Variants in SYCP1 observed in about 807,000 individuals in gnomAD.
SYCP1 encodes synaptonemal complex protein 1, also known as cancer/testis antigen 8.
SYCP1 carries 64 observed loss-of-function variants against 153.1 expected under a neutral mutation model. The observed-to-expected ratio is 0.42, with a 90% CI of 0.34 to 0.51. The LOEUF (loss-of-function observed/expected upper bound fraction) is 0.51. Ranked by LOEUF, SYCP1 falls within the 20% of genes least tolerant of loss-of-function variation. SYCP1 has a pLI of 0.06. For synonymous variants in SYCP1, 384 were observed against 341.8 expected (o/e 1.12, Z -1.36); for missense variants, 997 against 1,049.0 (o/e 0.95, Z 0.68).
chr1:114,926,161 A>G (rs889414571), intron 21 of SYCP1, 117 bp from the exon 22 acceptor site: 5 of 703,828 alleles, frequency 7.1e-6, no homozygotes, highest in Non-Finnish European at 9.9e-6. Context: ...TAATGGAATT[A>G]CCATGATTTT....
At chr1:114,920,344 T>C (rs1296900328) in intron 20 of SYCP1, among the ~76,000 whole-genome samples, 1 of 152,160 alleles carries the variant, frequency 6.6e-6, no homozygotes, top group Non-Finnish European at 1.5e-5. Flanking sequence ...TCAGAGTAGG[T>C]ACTTGATCTG....
chr1:114,974,712 T>C (rs1409458497), intron 27 of SYCP1, among the ~76,000 whole-genome samples: 2 of 151,878 alleles, frequency 1.3e-5, no homozygotes, highest in Non-Finnish European at 2.9e-5. Context: ...GTGTATACCA[T>C]CTTTTCCTTA....
chr1:114,932,123 G>A (rs990398332), intron 23 of SYCP1, among the ~76,000 whole-genome samples: 2 of 152,184 alleles, frequency 1.3e-5, no homozygotes, highest in African/African-American at 4.8e-5. Flanking sequence ...GAAAACGTAG[G>A]AGGGTACTTT....
intron 27 of SYCP1, among the ~76,000 whole-genome samples, chr1:114,954,605 G>A (rs979964764): frequency 2.1e-5 from 3 of 141,208 alleles, no homozygotes; most frequent in East Asian, 2.0e-4. Context: ...TTTTTGAGAC[G>A]GAGTCTTGCT....
chr1:114,920,768 C>T (rs527932141), intron 20 of SYCP1, among the ~76,000 whole-genome samples: 23 of 152,164 alleles, frequency 1.5e-4, no homozygotes, highest in Middle Eastern at 6.8e-3. Context: ...GTATTGAAAT[C>T]CATAATGTCT....
At chr1:114,961,981 T>C (rs1237127810) in intron 27 of SYCP1, among the ~76,000 whole-genome samples, 1 of 150,866 alleles carries the variant, frequency 6.6e-6, no homozygotes, top group Non-Finnish European at 1.5e-5. Context: ...TCTATCTTTT[T>C]TTTTTTTTTT....
intron 15 of SYCP1, among the ~76,000 whole-genome samples, chr1:114,894,208 G>A (rs558459691): frequency 6.6e-5 from 10 of 151,686 alleles, no homozygotes; most frequent in Non-Finnish European, 1.3e-4. Flanking sequence ...CTATGTATAC[G>A]CCAGGTTTTT....
At position 114,857,469 on chromosome 1, in the gene SYCP1, A is replaced by G. The variant is rs1664079147; in HGVS notation, c.263A>G (p.Gln88Arg). The change falls in exon 5 of 32, where the codon CAG (glutamine) becomes CGG (arginine). Residue 88 changes from glutamine (Q) to arginine (R), a missense_variant. This residue lies in a region of SYCP1 where 285 missense variants were observed against 366.1 expected (regional missense o/e 0.78). Transcript: ENST00000369522. ...GTTGGTAATTCTGACTGTCACTATC[A>G]GGAAGGACTAAAAGACTCTGATTTG... ...EQVGNSDCHY[Q>R]EGLKDSDLEN... 1.2e-6 allele frequency: 2 copies of G among 1,601,424 alleles called. No homozygotes were observed. The highest frequency in any genetic ancestry group is 1.7e-6 in the Non-Finnish European group (2 of 1,173,916).
chr1:114,922,464 A>G (rs980341941), intron 20 of SYCP1, among the ~76,000 whole-genome samples: 2 of 152,252 alleles, frequency 1.3e-5, no homozygotes, highest in African/African-American at 2.4e-5. Flanking sequence ...AATTTTACTC[A>G]TGGTAGAAAG....
At chr1:114,916,043 G>T (rs527499511) in intron 20 of SYCP1, among the ~76,000 whole-genome samples, 13 of 152,152 alleles carry the variant, frequency 8.5e-5, no homozygotes, top group African/African-American at 2.7e-4. Context: ...AGAAGTGCCC[G>T]ACTGAGGGAA....
intron 12 of SYCP1, among the ~76,000 whole-genome samples, chr1:114,881,054 TATACACACACAC>T (rs1002302259): frequency 5.1e-5 from 4 of 77,866 alleles, no homozygotes; most frequent in Non-Finnish European, 8.2e-5. Flanking sequence ...AATTTGTGTA[TATACACACACAC>T]ACACACACAC....
intron 20 of SYCP1, among the ~76,000 whole-genome samples, chr1:114,920,037 T>C (rs1205461191): frequency 6.6e-6 from 1 of 152,024 alleles, no homozygotes; most frequent in Non-Finnish European, 1.5e-5. Context: ...CTAATTTGGG[T>C]TTGGTTTGCT....
chr1:114,949,468 C>T (rs757667367), intron 27 of SYCP1, among the ~76,000 whole-genome samples: 1 of 152,132 alleles, frequency 6.6e-6, no homozygotes, highest in African/African-American at 2.4e-5. Flanking sequence ...CAATTAGTTT[C>T]TTCTTTTGAT....
At chr1:114,925,051 C>T (rs940048128) in intron 21 of SYCP1, among the ~76,000 whole-genome samples, 3 of 151,998 alleles carry the variant, frequency 2.0e-5, no homozygotes, top group Non-Finnish European at 2.9e-5. Context: ...GGAAATCAGA[C>T]CTCCAAAGGA....
At chr1:114,940,513 T>C (rs1337151528) in intron 23 of SYCP1, among the ~76,000 whole-genome samples, 1 of 152,206 alleles carries the variant, frequency 6.6e-6, no homozygotes, top group Non-Finnish European at 1.5e-5. Flanking sequence ...TTTTGATATA[T>C]AGTAAATTAG....
intron 8 of SYCP1, among the ~76,000 whole-genome samples, chr1:114,866,021 T>A (rs910644342): frequency 6.6e-6 from 1 of 152,248 alleles, no homozygotes; most frequent in Non-Finnish European, 1.5e-5. Flanking sequence ...GCTCATTTTT[T>A]AAGCACTGAA....
At chr1:114,958,341 A>G (rs1671562802) in intron 27 of SYCP1, among the ~76,000 whole-genome samples, 1 of 152,152 alleles carries the variant, frequency 6.6e-6, no homozygotes, top group African/African-American at 2.4e-5. Context: ...CAAATATACA[A>G]TTAGATAAAA....
intron 29 of SYCP1, among the ~76,000 whole-genome samples, chr1:114,982,938 A>G (rs1198735208): frequency 6.6e-6 from 1 of 151,896 alleles, no homozygotes; most frequent in Non-Finnish European, 1.5e-5. Flanking sequence ...TAAAGTTTGT[A>G]TTTTTTGTTG....
chr1:114,882,289 T>A (rs1249851337), intron 12 of SYCP1, among the ~76,000 whole-genome samples: 1 of 152,188 alleles, frequency 6.6e-6, no homozygotes, highest in African/African-American at 2.4e-5. Context: ...ACTCTTAATC[T>A]CTTTTTTCTA....
Sources: allele counts gnomAD v4.1 joint callset (sites outside exome capture counted in the v4.1 genomes callset), GRCh38; gene constraint gnomAD v4.1.1; regional missense constraint gnomAD v4.1.1; transcripts MANE v1.5; gene names NCBI Gene and HGNC (gene_info 2026-07-23, HGNC 2026-07-21).